The following PIK3CB variants were observed in gnomAD, a reference collection of about 807,000 sequenced individuals.
The protein encoded by PIK3CB is phosphatidylinositol-4,5-bisphosphate 3-kinase catalytic subunit beta.
PIK3CB carries 39 observed loss-of-function variants against 136.8 expected under a neutral mutation model. That is an observed-to-expected ratio of 0.29 (90% CI 0.22 to 0.37). PIK3CB has a LOEUF of 0.37. Ranked by LOEUF, PIK3CB falls within the 10% of genes least tolerant of loss-of-function variation. The pLI is 1.00. For missense variants in PIK3CB, 868 were observed against 1,275.4 expected (o/e 0.68, Z 4.87); for synonymous variants, 428 against 436.6 (o/e 0.98, Z 0.25).
At chr3:138,802,574 G>A (rs2108845156) in intron 1 of PIK3CB, among the ~76,000 whole-genome samples, 1 of 151,810 alleles carries the variant, frequency 6.6e-6, no homozygotes, top group East Asian at 1.9e-4. Context: ...AGAAAAAAGG[G>A]CAAATAGTAT....
chr3:138,784,432 C>A (rs549504655), intron 2 of PIK3CB, among the ~76,000 whole-genome samples: 1 of 150,896 alleles, frequency 6.6e-6, no homozygotes, highest in Non-Finnish European at 1.5e-5. Flanking sequence ...CTCTCCCTCT[C>A]GTCTCCGTCT....
At chr3:138,821,545 G>T (rs1933564360) in intron 1 of PIK3CB, among the ~76,000 whole-genome samples, 1 of 152,172 alleles carries the variant, frequency 6.6e-6, no homozygotes, top group Non-Finnish European at 1.5e-5. Flanking sequence ...AGCACTCTGG[G>T]AGGCCGAGAT....
chr3:138,709,352 C>A (rs186266587), intron 10 of PIK3CB, among the ~76,000 whole-genome samples: 3 of 149,850 alleles, frequency 2.0e-5, no homozygotes, highest in Admixed American at 6.6e-5. Flanking sequence ...TACATAGATA[C>A]GTAGAGAAGA....
chr3:138,780,298 G>T (rs990567028), intron 2 of PIK3CB, among the ~76,000 whole-genome samples: 1 of 150,760 alleles, frequency 6.6e-6, no homozygotes, highest in Non-Finnish European at 1.5e-5. Context: ...TTGAGACGGC[G>T]TCTTGCTCTG....
intron 19 of PIK3CB, among the ~76,000 whole-genome samples, chr3:138,672,146 C>A (rs1339185303): frequency 1.3e-5 from 2 of 152,014 alleles, no homozygotes; most frequent in African/African-American, 4.8e-5. Context: ...TGAAGAGGAA[C>A]CTCATCATAT....
Position 138,714,059 on chromosome 3 carries a change from C to T in PIK3CB, c.1302+409G>A, listed in dbSNP as rs965048770. Reference sequence around the variant, plus strand: ...CCCACAAGATATGTTGAGTCAGTTACGACCAATGATCTTTCTAAAATACAC... The same window carrying T: ...CCCACAAGATATGTTGAGTCAGTTATGACCAATGATCTTTCTAAAATACAC... On this transcript the variant is annotated intron_variant, in intron 9 of 23. Coordinates refer to ENST00000674063, the MANE Select transcript of PIK3CB (RefSeq NM_006219.3). Among the ~76,000 whole-genome samples, 11 of 152,296 alleles carry T rather than the reference C, an allele frequency of 7.2e-5. No individual in the cohort carries two copies. The East Asian group carries it at 7.7e-4, about 11-fold the overall frequency.
chr3:138,712,052 A>C (rs1302013924), intron 10 of PIK3CB, among the ~76,000 whole-genome samples, 156 bp downstream of exon 10: 1 of 152,068 alleles, frequency 6.6e-6, no homozygotes, highest in East Asian at 1.9e-4. Context: ...TTATGATAAT[A>C]TTAAAATAAT....
intron 1 of PIK3CB, among the ~76,000 whole-genome samples, chr3:138,797,884 C>T (rs1414888032): frequency 6.6e-6 from 1 of 152,000 alleles, no homozygotes; most frequent in Non-Finnish European, 1.5e-5. Flanking sequence ...ATCCAGGAGG[C>T]TCAGGCTGCA....
At chr3:138,727,817 C>A (rs571739827) in intron 8 of PIK3CB, among the ~76,000 whole-genome samples, 1 of 152,236 alleles carries the variant, frequency 6.6e-6, no homozygotes, top group East Asian at 1.9e-4. Context: ...GTCTACCATA[C>A]CCATTAAATA....
At chr3:138,832,675 C>A (rs1459017574) in intron 1 of PIK3CB, among the ~76,000 whole-genome samples, 1 of 151,846 alleles carries the variant, frequency 6.6e-6, no homozygotes, top group Non-Finnish European at 1.5e-5. Context: ...AAAAAAAGTA[C>A]AAAATTAGCC....
chr3:138,693,598 C>T (rs1300700316), intron 14 of PIK3CB, among the ~76,000 whole-genome samples: 1 of 151,832 alleles, frequency 6.6e-6, no homozygotes, highest in Non-Finnish European at 1.5e-5. Context: ...TGGGGTTTCA[C>T]CATGTTGGCC....
At chr3:138,747,054 TTATATATATATATATATATATATA>T (rs59299476) in intron 4 of PIK3CB, among the ~76,000 whole-genome samples, 3,693 of 42,204 alleles carry the variant, frequency 0.088, 199 homozygotes, top group Non-Finnish European at 0.11. Flanking sequence ...TATTCAGCCT[TTATATATATATATATATATATATA>T]TATATATATA....
chr3:138,677,120 T>G (rs2108462497), intron 19 of PIK3CB, among the ~76,000 whole-genome samples: 1 of 150,712 alleles, frequency 6.6e-6, no homozygotes, highest in African/African-American at 2.4e-5. Flanking sequence ...TATGCAATGG[T>G]GCCATCTCCG....
chr3:138,691,823 C>A (rs979875263), intron 14 of PIK3CB, among the ~76,000 whole-genome samples: 4 of 152,096 alleles, frequency 2.6e-5, no homozygotes, highest in Non-Finnish European at 4.4e-5. Context: ...ATATTAGGTA[C>A]TTTAATACTG....
chr3:138,654,577 T>C lies in PIK3CB; in HGVS notation c.*812A>G, dbSNP rs938963936. 1.3e-5 allele frequency: 3 copies of C among 227,506 alleles called. No individual in the cohort carries two copies. Among genetic ancestry groups the C allele is most frequent in the African/African-American group, 6.6e-5 (3 of 45,156 alleles). 14.1% of individuals were successfully genotyped at this position (227,506 alleles called of 1,614,324 possible). On this transcript the variant is annotated 3_prime_UTR_variant, in exon 24 of 24. Transcript: ENST00000674063. ...TCATAGATACCATATAAAAACTGTA[T>C]TAATATGTGCCTCATTATAGAAGCA...
rs1487584905 is a variant in PIK3CB at position 138,673,941 on chromosome 3, A to G, written c.2504+8026T>C. Among the ~76,000 whole-genome samples, 7 of 152,140 alleles carry G rather than the reference A, an allele frequency of 4.6e-5. 1 individual carries two copies. Among genetic ancestry groups the G allele is most frequent in the Admixed American group, 3.9e-4 (6 of 15,272 alleles). On this transcript the variant is annotated intron_variant, in intron 19 of 23. Transcript: ENST00000674063. ...AGTTTCCAGGAAGATCCCACTTACA[A>G]TACTATGTTTATTTGACCTGACTCA...
intron 19 of PIK3CB, among the ~76,000 whole-genome samples, chr3:138,680,510 C>T (rs1023238574): frequency 1.3e-5 from 2 of 151,968 alleles, no homozygotes. Context: ...TCTACAATTC[C>T]AATTTTAAAG....
chr3:138,732,452 A>G (rs1262306618), intron 8 of PIK3CB, among the ~76,000 whole-genome samples: 2 of 152,202 alleles, frequency 1.3e-5, no homozygotes, highest in African/African-American at 4.8e-5. Flanking sequence ...GCTCCTGAAT[A>G]TATCTTCAAG....
At chr3:138,688,754 G>C (rs1261594904) in intron 16 of PIK3CB, 121 bp downstream of exon 16, 3 of 619,636 alleles carry the variant, frequency 4.8e-6, no homozygotes, top group Non-Finnish European at 8.8e-6. Context: ...AATGGCATTT[G>C]ATAAAACTGA....
Sources: allele counts gnomAD v4.1 joint callset (sites outside exome capture counted in the v4.1 genomes callset), GRCh38; gene constraint gnomAD v4.1.1; transcripts MANE v1.5; gene names NCBI Gene and HGNC (gene_info 2026-07-23, HGNC 2026-07-21).